The following IMMP1L variants were observed in gnomAD, a reference collection of about 807,000 sequenced individuals.
IMMP1L encodes inner mitochondrial membrane peptidase subunit 1.
In IMMP1L, 24 loss-of-function variants were observed where a neutral mutation model predicts 21.8. The observed-to-expected ratio is 1.10, with a 90% CI of 0.80 to 1.55. The LOEUF (loss-of-function observed/expected upper bound fraction) is 1.55. Ranked by LOEUF, IMMP1L falls within the 40% of genes most tolerant of loss-of-function variation. The pLI is 0.00. For missense variants in IMMP1L, 195 were observed against 200.7 expected, an observed-to-expected ratio of 0.97 and a Z score of 0.17; for synonymous variants, 46 against 62.8, an observed-to-expected ratio of 0.73 and a Z score of 1.26.
In IMMP1L at chr11:31,436,214, G is replaced by T. The variant is rs191922266; in HGVS notation, c.322-2644C>A. Among the ~76,000 whole-genome samples the T allele has an allele frequency of 8.8e-4, 134 of 152,082 alleles. 3 individuals carry two copies. The South Asian group carries it at 0.027, about 31-fold the overall frequency. Reference sequence around the variant, plus strand: ...TATATTATGTTCCACAAAGTTTTTAGTTTTTTATGCAGTATTTACTTTTAT... The same window carrying T: ...TATATTATGTTCCACAAAGTTTTTATTTTTTTATGCAGTATTTACTTTTAT... On this transcript the variant is annotated intron_variant, in intron 4 of 5. Coordinates refer to ENST00000532287, the MANE Select transcript of IMMP1L (RefSeq NM_001304274.2).
intron 1 of IMMP1L, among the ~76,000 whole-genome samples, chr11:31,495,634 T>C (rs1343031421): frequency 1.3e-5 from 2 of 152,162 alleles, no homozygotes; most frequent in Non-Finnish European, 2.9e-5. Flanking sequence ...AGTACAAAGT[T>C]ATAGTAAGCA....
chr11:31,500,592 T>TGCAC (rs1486534863), intron 1 of IMMP1L, among the ~76,000 whole-genome samples: 10 of 107,334 alleles, frequency 9.3e-5, no homozygotes, highest in Admixed American at 1.8e-4. Context: ...GTTCCACATA[T>TGCAC]GCACACACAC....
intron 1 of IMMP1L, among the ~76,000 whole-genome samples, chr11:31,497,777 A>G (rs1404391408): frequency 6.6e-6 from 1 of 152,224 alleles, no homozygotes; most frequent in Non-Finnish European, 1.5e-5. Context: ...TTGAATGATG[A>G]AAAAGTTTTA....
chr11:31,464,698 ATC>A lies in IMMP1L; in HGVS notation c.-29-1395_-29-1394del, dbSNP rs541846664. Reference sequence around the variant, plus strand: ...AATGAAGAACAAAAACCATACAATGATCTCAATAGATGCAGAAAAAGCATTTG... The same window carrying A: ...AATGAAGAACAAAAACCATACAATGATCAATAGATGCAGAAAAAGCATTTG... On this transcript the variant is annotated intron_variant, in intron 1 of 5. Transcript: ENST00000532287. 1.8e-4 allele frequency among the ~76,000 whole-genome samples: 28 copies of A among 152,358 alleles called. No homozygotes were observed. The East Asian group carries it at 5.4e-3, about 29-fold the overall frequency.
chr11:31,503,687 A>G (rs1955696088), intron 1 of IMMP1L, among the ~76,000 whole-genome samples: 1 of 152,228 alleles, frequency 6.6e-6, no homozygotes, highest in African/African-American at 2.4e-5. Flanking sequence ...AACTCTGAAC[A>G]ATACACAAAA....
At chr11:31,461,190 A>G (rs1435691452) in intron 2 of IMMP1L, among the ~76,000 whole-genome samples, 5 of 152,232 alleles carry the variant, frequency 3.3e-5, no homozygotes, top group Non-Finnish European at 5.9e-5. Flanking sequence ...TACTATTCTC[A>G]GTGAGCTTAT....
chr11:31,442,352 G>C (rs1360339526), intron 4 of IMMP1L, among the ~76,000 whole-genome samples: 2 of 152,124 alleles, frequency 1.3e-5, no homozygotes, highest in African/African-American at 4.8e-5. Flanking sequence ...GGCTTTTGTG[G>C]AGGCAATACA....
chr11:31,459,931 C>T (rs373963400), intron 3 of IMMP1L, among the ~76,000 whole-genome samples: 2 of 151,944 alleles, frequency 1.3e-5, no homozygotes, highest in South Asian at 2.1e-4. Flanking sequence ...CTGAGGTGAG[C>T]GGATTGCTTG....
At chr11:31,462,423 TA>T (rs199758188) in intron 2 of IMMP1L, among the ~76,000 whole-genome samples, 50 of 144,530 alleles carry the variant, frequency 3.5e-4, no homozygotes, top group East Asian at 7.9e-4. Flanking sequence ...AAACCTAATT[TA>T]AAAAAAAAAA....
At chr11:31,491,587 A>C (rs1054150295) in intron 1 of IMMP1L, among the ~76,000 whole-genome samples, 1 of 152,226 alleles carries the variant, frequency 6.6e-6, no homozygotes, top group African/African-American at 2.4e-5. Flanking sequence ...CTTACAGTAA[A>C]ATGTGAGAGA....
At chr11:31,456,597 T>A (rs977451507) in intron 3 of IMMP1L, among the ~76,000 whole-genome samples, 1 of 152,076 alleles carries the variant, frequency 6.6e-6, no homozygotes, top group Admixed American at 6.6e-5. Context: ...ATAAAAAGGC[T>A]ATCTAAAATT....
intron 4 of IMMP1L, among the ~76,000 whole-genome samples, chr11:31,442,934 C>T (rs186733750): frequency 6.6e-6 from 1 of 151,914 alleles, no homozygotes; most frequent in Admixed American, 6.6e-5. Flanking sequence ...TATTTTGTGT[C>T]TAATGGAATA....
intron 4 of IMMP1L, among the ~76,000 whole-genome samples, chr11:31,435,767 A>C (rs908332297): frequency 1.3e-5 from 2 of 152,146 alleles, no homozygotes; most frequent in Non-Finnish European, 2.9e-5. Context: ...TTGTGGTACA[A>C]ATAGCAAATA....
At chr11:31,491,303 T>C (rs965861640) in intron 1 of IMMP1L, among the ~76,000 whole-genome samples, 8 of 152,182 alleles carry the variant, frequency 5.3e-5, no homozygotes, top group African/African-American at 1.9e-4. Context: ...AAGAAAGCTA[T>C]CACCTTAAAG....
intron 1 of IMMP1L, among the ~76,000 whole-genome samples, chr11:31,497,286 C>T (rs1955475102): frequency 1.3e-5 from 2 of 151,680 alleles, no homozygotes; most frequent in Admixed American, 6.6e-5. Flanking sequence ...CTTTGAAAAA[C>T]ATTATGCTAA....
intron 1 of IMMP1L, among the ~76,000 whole-genome samples, chr11:31,501,236 A>C (rs1955607933): frequency 6.6e-6 from 1 of 152,164 alleles, no homozygotes; most frequent in Non-Finnish European, 1.5e-5. Context: ...ACACTGAAAA[A>C]ACATACCTAA....
At chr11:31,488,724 T>G (rs1399457266) in intron 1 of IMMP1L, among the ~76,000 whole-genome samples, 1 of 152,076 alleles carries the variant, frequency 6.6e-6, no homozygotes, top group Non-Finnish European at 1.5e-5. Context: ...ATAAGGAATG[T>G]GTGTGATACT....
At chr11:31,493,951 T>C (rs1414516932) in intron 1 of IMMP1L, among the ~76,000 whole-genome samples, 1 of 152,188 alleles carries the variant, frequency 6.6e-6, no homozygotes, top group African/African-American at 2.4e-5. Flanking sequence ...CTTTGCAGGG[T>C]ACAGCTCCCC....
chr11:31,488,675 A>G (rs1019743309), intron 1 of IMMP1L, among the ~76,000 whole-genome samples: 1 of 152,126 alleles, frequency 6.6e-6, no homozygotes, highest in Non-Finnish European at 1.5e-5. Flanking sequence ...GCAGAATACA[A>G]TACTAGTGAT....
Sources: gnomAD v4.1 joint callset for allele counts (sites outside exome capture counted in the v4.1 genomes callset) on GRCh38, gnomAD v4.1.1 for gene constraint, MANE v1.5 for transcripts, NCBI Gene and HGNC (gene_info 2026-07-23, HGNC 2026-07-21) for gene names.